Variants in SUPT3H observed in about 807,000 individuals in gnomAD.
SUPT3H encodes the protein transcription initiation protein SPT3 homolog.
In SUPT3H, 44 loss-of-function variants were observed where a neutral mutation model predicts 44.3. That is an observed-to-expected ratio of 0.99 (90% CI 0.78 to 1.28). The LOEUF is 1.28. Among genes scored for constraint, SUPT3H ranks in the 50% most tolerant of loss-of-function variants. SUPT3H has a pLI of 0.00. For synonymous variants in SUPT3H, 124 were observed against 125.6 expected (o/e 0.99, Z 0.09); for missense variants, 380 against 387.1 (o/e 0.98, Z 0.15).
At chr6:45,204,786 C>T (rs79618089) in intron 2 of SUPT3H, among the ~76,000 whole-genome samples, 8,437 of 152,194 alleles carry the variant, frequency 0.055, 794 homozygotes, top group African/African-American at 0.19. Flanking sequence ...CCCAAAATCA[C>T]CTTAATTTTT....
intron 2 of SUPT3H, among the ~76,000 whole-genome samples, chr6:45,354,571 C>A (rs1792751806): frequency 1.3e-5 from 2 of 152,062 alleles, no homozygotes; most frequent in Non-Finnish European, 2.9e-5. Context: ...TAAGGGGCTT[C>A]ACTGCATTTA....
chr6:45,340,373 G>C (rs1789508862), intron 2 of SUPT3H, among the ~76,000 whole-genome samples: 2 of 152,120 alleles, frequency 1.3e-5, no homozygotes, highest in African/African-American at 4.8e-5. Flanking sequence ...ACCCAGGCTA[G>C]AGTGCACTGG....
At position 44,954,613 on chromosome 6, in the gene SUPT3H, C is replaced by A. The variant is rs764317824; in HGVS notation, c.581-6G>T. The A allele has an allele frequency of 3.1e-6, 5 of 1,589,332 alleles. No individual in the cohort carries two copies. The highest frequency in any genetic ancestry group is 3.4e-6 in the Non-Finnish European group (4 of 1,161,730). Reference sequence around the variant, plus strand: ...AAATTTGGAAGCTTTTTTGGCTGGCCATTTAAAAAAAACAAGTGCAGAAAT... The same window carrying A: ...AAATTTGGAAGCTTTTTTGGCTGGCAATTTAAAAAAAACAAGTGCAGAAAT... On this transcript the variant is annotated splice_polypyrimidine_tract_variant and splice_region_variant and intron_variant, in intron 7 of 10. Transcript: ENST00000371459.
At chr6:45,158,661 A>G (rs866293943) in intron 2 of SUPT3H, among the ~76,000 whole-genome samples, 6 of 152,048 alleles carry the variant, frequency 3.9e-5, no homozygotes, top group East Asian at 3.9e-4. Context: ...TTGTATGGTT[A>G]TCGCTAGCTG....
intron 2 of SUPT3H, among the ~76,000 whole-genome samples, chr6:45,124,474 C>A (rs537249231): frequency 2.6e-5 from 4 of 151,188 alleles, no homozygotes; most frequent in Non-Finnish European, 4.4e-5. Flanking sequence ...TGAAACCCCC[C>A]CCTCTACTAA....
intron 2 of SUPT3H, among the ~76,000 whole-genome samples, chr6:45,315,937 ATAGATAGATAG>A (rs1784617015): frequency 6.8e-6 from 1 of 146,972 alleles, no homozygotes; most frequent in Admixed American, 6.7e-5. Context: ...AGATAGATAG[ATAGATAGATAG>A]ATAGATAGAT....
Position 45,306,836 on chromosome 6 carries a change from G to A in SUPT3H, c.101+58365C>T, listed in dbSNP as rs565196893. ...TGAGCGTGAGCCAAAGCAGGGCGAG[G>A]CATCGCCTCACCCTGGAAGTGCAAG... On this transcript the variant is annotated intron_variant, in intron 2 of 10. Coordinates refer to ENST00000371459, the MANE Select transcript of SUPT3H (RefSeq NM_003599.4). Among the ~76,000 whole-genome samples the A allele has an allele frequency of 4.6e-5, 7 of 152,322 alleles. No individual in the cohort carries two copies. The South Asian group carries it at 1.2e-3, about 27-fold the overall frequency.
At chr6:45,106,194 G>A (rs1348656801) in intron 2 of SUPT3H, among the ~76,000 whole-genome samples, 188 bp from the exon 3 acceptor site, 1 of 152,190 alleles carries the variant, frequency 6.6e-6, no homozygotes, top group Non-Finnish European at 1.5e-5. Flanking sequence ...CACTTTGGGA[G>A]GCCGGAGCGG....
intron 2 of SUPT3H, among the ~76,000 whole-genome samples, chr6:45,204,448 G>A (rs569151458): frequency 3.9e-5 from 6 of 152,150 alleles, no homozygotes; most frequent in East Asian, 3.9e-4. Flanking sequence ...CTGGATCTAC[G>A]AGGAACACTT....
chr6:44,920,599 A>G (rs1376983149), intron 10 of SUPT3H, among the ~76,000 whole-genome samples: 6 of 151,928 alleles, frequency 3.9e-5, no homozygotes, highest in Non-Finnish European at 8.8e-5. Flanking sequence ...AAAAGGAAAA[A>G]GAAATTTAAG....
At chr6:44,907,925 A>G (rs975276730) in intron 10 of SUPT3H, among the ~76,000 whole-genome samples, 3 of 152,102 alleles carry the variant, frequency 2.0e-5, no homozygotes, top group African/African-American at 7.2e-5. Context: ...TACTTTCTGA[A>G]GATAAGTTTT....
At chr6:44,849,449 G>T (rs544119984) in intron 10 of SUPT3H, among the ~76,000 whole-genome samples, 1 of 151,586 alleles carries the variant, frequency 6.6e-6, no homozygotes, top group Admixed American at 6.6e-5. Flanking sequence ...GGATGGTCTC[G>T]ATCTCCTGAC....
intron 10 of SUPT3H, among the ~76,000 whole-genome samples, chr6:44,930,981 A>T (rs1233185478): frequency 6.6e-6 from 1 of 152,286 alleles, no homozygotes; most frequent in East Asian, 1.9e-4. Context: ...CAGGTTGGAC[A>T]TGGGGGAAAA....
At chr6:45,281,505 G>C (rs1315042718) in intron 2 of SUPT3H, among the ~76,000 whole-genome samples, 1 of 152,196 alleles carries the variant, frequency 6.6e-6, no homozygotes, top group Non-Finnish European at 1.5e-5. Context: ...TAGCACAGCA[G>C]TCTGAGATCA....
At chr6:45,101,664 G>T (rs952799417) in intron 3 of SUPT3H, among the ~76,000 whole-genome samples, 3 of 151,958 alleles carry the variant, frequency 2.0e-5, no homozygotes, top group Non-Finnish European at 2.9e-5. Flanking sequence ...CCAACACAAA[G>T]AAATCATAAA....
chr6:45,263,181 C>T lies in SUPT3H; in HGVS notation c.101+102020G>A, dbSNP rs150636027. Among the ~76,000 whole-genome samples the T allele has an allele frequency of 1.1e-3, 170 of 152,178 alleles. 2 individuals carry two copies. Among genetic ancestry groups the T allele is most frequent in the African/African-American group, 3.9e-3 (160 of 41,506 alleles). On this transcript the variant is annotated intron_variant, in intron 2 of 10. Coordinates refer to ENST00000371459, the MANE Select transcript of SUPT3H (RefSeq NM_003599.4). ...TCATTCCACCAGATAGACACTGGCA[C>T]ACATATGTTCAGCACAGCAGGGTTC...
intron 2 of SUPT3H, among the ~76,000 whole-genome samples, chr6:45,283,967 A>C (rs757538786): frequency 1.3e-4 from 20 of 152,226 alleles, no homozygotes; most frequent in Non-Finnish European, 2.4e-4. Context: ...TAAACGGAAC[A>C]ACCTGCTCCT....
At chr6:45,182,412 C>T (rs914481313) in intron 2 of SUPT3H, among the ~76,000 whole-genome samples, 1 of 152,158 alleles carries the variant, frequency 6.6e-6, no homozygotes, top group Admixed American at 6.5e-5. Flanking sequence ...CAGGCACCTG[C>T]CCCCACGCCT....
chr6:44,935,074 T>C (rs890532579), intron 9 of SUPT3H, among the ~76,000 whole-genome samples: 7 of 152,204 alleles, frequency 4.6e-5, no homozygotes, highest in Admixed American at 6.5e-5. Flanking sequence ...CTGTTAACAT[T>C]AGCATAATGA....
Sources: allele counts gnomAD v4.1 joint callset (sites outside exome capture counted in the v4.1 genomes callset), GRCh38; gene constraint gnomAD v4.1.1; transcripts MANE v1.5; gene names NCBI Gene and HGNC (gene_info 2026-07-23, HGNC 2026-07-21).